The following TNFRSF10A variants were observed in gnomAD, a reference collection of about 807,000 sequenced individuals.
The protein encoded by TNFRSF10A is tumor necrosis factor receptor superfamily member 10A.
TNFRSF10A carries 44 observed loss-of-function variants against 42.8 expected under a neutral mutation model. The ratio of observed to expected loss-of-function variants is 1.03; its 90% CI spans 0.81 to 1.32. TNFRSF10A has a LOEUF of 1.32. TNFRSF10A is among the 40% of genes most tolerant of loss of function. The probability of loss-of-function intolerance (pLI) is 0.00; values close to 1 mark genes in which losing one functional copy is unlikely to be tolerated. For missense variants in TNFRSF10A, 680 were observed against 602.0 expected, an observed-to-expected ratio of 1.13 and a Z score of -1.36; for synonymous variants, 259 against 234.2, an observed-to-expected ratio of 1.11 and a Z score of -0.97.
intron 8 of TNFRSF10A, 106 bp downstream of exon 8, chr8:23,199,160 G>A (rs1800869000): frequency 6.5e-6 from 9 of 1,394,326 alleles, no homozygotes; most frequent in Non-Finnish European, 8.8e-6. Context: ...CCCGTCCCCT[G>A]CAGTCCCATC....
chr8:23,216,741 CAAAA>C (rs58685481), intron 1 of TNFRSF10A, among the ~76,000 whole-genome samples: 1 of 108,658 alleles, frequency 9.2e-6, no homozygotes, highest in Non-Finnish European at 2.0e-5. Context: ...GAAGCCAATT[CAAAA>C]AAAAAAAAAA....
chr8:23,205,414 A>G (rs751462819), intron 2 of TNFRSF10A, among the ~76,000 whole-genome samples: 2 of 152,184 alleles, frequency 1.3e-5, no homozygotes, highest in African/African-American at 2.4e-5. Context: ...ACATATAATG[A>G]AGTTCTATAT....
At chr8:23,195,130 G>A (rs990520262) in intron 9 of TNFRSF10A, among the ~76,000 whole-genome samples, 2 of 152,324 alleles carry the variant, frequency 1.3e-5, no homozygotes, top group Non-Finnish European at 2.9e-5. Flanking sequence ...CTGCACTCCA[G>A]CGTGGGTGAC....
intron 6 of TNFRSF10A, 120 bp downstream of exon 6, chr8:23,200,385 G>T: frequency 1.8e-6 from 2 of 1,105,896 alleles, no homozygotes; most frequent in Non-Finnish European, 2.7e-6. Context: ...TCACAAGGAG[G>T]AAGATAGAGC....
At chr8:23,222,765 A>G (rs1164857532) in intron 1 of TNFRSF10A, among the ~76,000 whole-genome samples, 1 of 152,124 alleles carries the variant, frequency 6.6e-6, no homozygotes, top group Non-Finnish European at 1.5e-5. Context: ...GCTTGGTGCC[A>G]TAACCGCCCC....
intron 2 of TNFRSF10A, among the ~76,000 whole-genome samples, chr8:23,204,683 G>C (rs895062532): frequency 1.3e-5 from 2 of 151,972 alleles, no homozygotes; most frequent in African/African-American, 4.8e-5. Context: ...CACTTAAAAG[G>C]ATAGAGATAA....
At chr8:23,196,252 A>G (rs1324553812) in intron 9 of TNFRSF10A, among the ~76,000 whole-genome samples, 1 of 151,960 alleles carries the variant, frequency 6.6e-6, no homozygotes, top group Non-Finnish European at 1.5e-5. Context: ...GGAGTGCAGT[A>G]GCGCTATCTT....
At chr8:23,223,481 C>G (rs1801285558) in intron 1 of TNFRSF10A, among the ~76,000 whole-genome samples, 1 of 152,224 alleles carries the variant, frequency 6.6e-6, no homozygotes, top group South Asian at 2.1e-4. Flanking sequence ...TCGCACTAGC[C>G]TGTCAAAAAG....
Position 23,199,889 on chromosome 8 carries a change from G to A in TNFRSF10A, c.828C>T (p.Asp276=). 1 of 1,614,122 alleles carries A rather than the reference G, an allele frequency of 6.2e-7. No homozygotes were observed. The highest frequency in any genetic ancestry group is 8.5e-7 in the Non-Finnish European group (1 of 1,179,998). ...SGCGGDPKCM[D]RVCFWRLGLL... ...GCTCCTGGAGAAATCAACTCACCCT[G>A]TCCATGCACTTGGGGTCCCCTCCAC... Residue 276 remains aspartate (D), a synonymous_variant, in exon 7 of 10, where the codon GAC becomes GAT. Transcript: ENST00000221132.
At chr8:23,205,270 G>A (rs990609579) in intron 2 of TNFRSF10A, among the ~76,000 whole-genome samples, 1 of 152,166 alleles carries the variant, frequency 6.6e-6, no homozygotes, top group African/African-American at 2.4e-5. Flanking sequence ...CATATGTGAC[G>A]GTGGTCCCAT....
Position 23,200,779 on chromosome 8 carries a change from G to T in TNFRSF10A, c.630-19C>A. 6.6e-7 allele frequency: 1 copy of T among 1,525,438 alleles called. No individual in the cohort carries two copies. Among genetic ancestry groups the T allele is most frequent in the Non-Finnish European group, 9.1e-7 (1 of 1,100,404 alleles). 94.5% of individuals were successfully genotyped at this position (1,525,438 alleles called of 1,614,324 possible). A position where few individuals can be genotyped will look rare whatever the true frequency, so the allele number is the denominator to read the frequency against. On this transcript the variant is annotated intron_variant, in intron 4 of 9. Transcript: ENST00000221132. ...GGGGCACCTGGGTACACACAGGGAG[G>T]GAGGGGGGGGACTCTTGATGGAAAG...
intron 1 of TNFRSF10A, among the ~76,000 whole-genome samples, chr8:23,214,218 T>C (rs61649119): frequency 0.017 from 2,616 of 152,180 alleles, 78 homozygotes; most frequent in African/African-American, 0.06. Flanking sequence ...CCGGGCGCAG[T>C]GGCTCATGCC....
At chr8:23,194,134 T>C (rs978273775) in intron 9 of TNFRSF10A, among the ~76,000 whole-genome samples, 1 of 152,230 alleles carries the variant, frequency 6.6e-6, no homozygotes, top group Non-Finnish European at 1.5e-5. Context: ...ATTTGTAGAC[T>C]GGTGAGTTTG....
In TNFRSF10A at chr8:23,224,690, T is replaced by C. The variant is rs1380670036; in HGVS notation, c.306+66A>G. ...GCCAGGCACCCCCGCCGCGTCCCCC[T>C]CTCTCTCTGCCCCCTCCCGGTGCCA... On this transcript the variant is annotated intron_variant, in intron 1 of 9. Transcript: ENST00000221132. 6 of 1,462,938 alleles carry C rather than the reference T, an allele frequency of 4.1e-6. No homozygotes were observed. The East Asian group carries it at 7.8e-5, about 19-fold the overall frequency. 90.6% of individuals were successfully genotyped at this position (1,462,938 alleles called of 1,614,324 possible).
intron 1 of TNFRSF10A, 168 bp downstream of exon 1, chr8:23,224,588 C>A: frequency 1.1e-6 from 1 of 929,464 alleles, no homozygotes. Context: ...CCTGCCTGGC[C>A]CCGGGGACCC....
At chr8:23,195,406 A>C (rs544954162) in intron 9 of TNFRSF10A, among the ~76,000 whole-genome samples, 1 of 152,348 alleles carries the variant, frequency 6.6e-6, no homozygotes, top group East Asian at 1.9e-4. Flanking sequence ...TTTTGTAAAC[A>C]GAATTTGAGG....
chr8:23,213,755 A>G (rs767034413), intron 1 of TNFRSF10A, among the ~76,000 whole-genome samples: 9 of 151,102 alleles, frequency 6.0e-5, no homozygotes, highest in Non-Finnish European at 1.2e-4. Context: ...TTTGCTCTTC[A>G]TTTTCTACTT....
intron 6 of TNFRSF10A, 77 bp downstream of exon 6, chr8:23,200,428 T>A: frequency 6.6e-7 from 1 of 1,517,652 alleles, no homozygotes; most frequent in Non-Finnish European, 9.1e-7. Flanking sequence ...GGGGCAGGGG[T>A]GAGCGTTTCT....
intron 2 of TNFRSF10A, among the ~76,000 whole-genome samples, chr8:23,203,001 TA>T (rs1442054835): frequency 1.3e-5 from 2 of 152,176 alleles, no homozygotes; most frequent in Non-Finnish European, 2.9e-5. Flanking sequence ...ATTAAAATAG[TA>T]AAAAGAGAAT....
Sources: gnomAD v4.1 joint callset for allele counts (sites outside exome capture counted in the v4.1 genomes callset) on GRCh38, gnomAD v4.1.1 for gene constraint, MANE v1.5 for transcripts, NCBI Gene and HGNC (gene_info 2026-07-23, HGNC 2026-07-21) for gene names.